GATA4: variants seen among roughly 807,000 people sequenced by gnomAD.
The protein encoded by GATA4 is transcription factor GATA-4.
Under a neutral mutation model 37.9 loss-of-function variants are expected in GATA4, and 7 were observed. That is an observed-to-expected ratio of 0.18 (90% CI 0.11 to 0.35). GATA4 has a LOEUF of 0.35. Ranked by LOEUF, GATA4 falls within the 10% of genes least tolerant of loss-of-function variation. The pLI is 1.00. For synonymous variants in GATA4, 372 were observed against 292.6 expected (o/e 1.27, Z -2.77); for missense variants, 647 against 653.0 (o/e 0.99, Z 0.10).
intron 1 of GATA4, among the ~76,000 whole-genome samples, chr8:11,687,499 G>T (rs1799175383): frequency 6.6e-6 from 1 of 152,160 alleles, no homozygotes; most frequent in Admixed American, 6.5e-5. Flanking sequence ...GTGAGTTGGG[G>T]GCAATGAATA....
intron 1 of GATA4, among the ~76,000 whole-genome samples, chr8:11,685,129 C>G (rs1485172833): frequency 2.0e-5 from 3 of 152,172 alleles, no homozygotes; most frequent in Non-Finnish European, 4.4e-5. Context: ...AACCTAAACT[C>G]TAAACAATAA....
chr8:11,703,890 A>AG (rs979832052), upstream of GATA4, among the ~76,000 whole-genome samples: 24 of 152,126 alleles, frequency 1.6e-4, no homozygotes, highest in East Asian at 2.9e-3. Flanking sequence ...GACCACAGGA[A>AG]GGGGGGGCGG....
At chr8:11,683,670 A>G (rs1799049101) in intron 1 of GATA4, among the ~76,000 whole-genome samples, 1 of 152,228 alleles carries the variant, frequency 6.6e-6, no homozygotes, top group African/African-American at 2.4e-5. Context: ...CTAAAGCCGG[A>G]GACTGGGGCG....
At chr8:11,726,332 C>T (rs10086064) in intron 2 of GATA4, among the ~76,000 whole-genome samples, 91,294 of 152,010 alleles carry the variant, frequency 0.6, 27,809 homozygotes, top group East Asian at 0.84. Context: ...GCCAGGGAGA[C>T]TGAGGTAGCA....
At chr8:11,744,490 T>C (rs1801933864) in intron 2 of GATA4, among the ~76,000 whole-genome samples, 1 of 152,198 alleles carries the variant, frequency 6.6e-6, no homozygotes. Context: ...GAATCACTCT[T>C]GCCCCCAGGG....
At chr8:11,719,339 A>G (rs898124607) in intron 2 of GATA4, among the ~76,000 whole-genome samples, 44 of 152,200 alleles carry the variant, frequency 2.9e-4, no homozygotes, top group African/African-American at 1.0e-3. Flanking sequence ...AACAACAAAT[A>G]AAACCTTTCC....
intron 2 of GATA4, among the ~76,000 whole-genome samples, chr8:11,715,528 C>G (rs1477306359): frequency 3.3e-5 from 5 of 151,996 alleles, no homozygotes; most frequent in Non-Finnish European, 7.4e-5. Flanking sequence ...GCGGGCGGAT[C>G]GTGAGATCAG....
chr8:11,722,885 TTAGCTTA>T (rs1585627472), intron 2 of GATA4, among the ~76,000 whole-genome samples: 2 of 152,356 alleles, frequency 1.3e-5, no homozygotes, highest in East Asian at 3.9e-4. Context: ...AAGCACATTT[TTAGCTTA>T]TTGAATATTT....
chr8:11,759,996 C>T lies in GATA4; in HGVS notation c.*1521C>T, dbSNP rs3203358. 1 of 152,560 alleles carries T rather than the reference C, an allele frequency of 6.6e-6. No individual in the cohort carries two copies. Among genetic ancestry groups the T allele is most frequent in the African/African-American group, 2.4e-5 (1 of 41,422 alleles). 9.5% of individuals were successfully genotyped at this position (152,560 alleles called of 1,614,324 possible). A position where few individuals can be genotyped will look rare whatever the true frequency, so the allele number is the denominator to read the frequency against. ...TTAACTAATAAATTTATCTGTATTC[C>T]TCTTTCCCTCGTCCCTTAGTGGTCT... is the stretch of plus-strand genomic sequence containing the variant. On this transcript the variant is annotated 3_prime_UTR_variant, in exon 7 of 7. Coordinates refer to ENST00000532059, the MANE Select transcript of GATA4 (RefSeq NM_001308093.3).
At position 11,680,490 on chromosome 8, in the gene GATA4, T is replaced by G. The variant is rs111609427; in HGVS notation, c.-274+3427T>G. The G allele has an allele frequency of 6.1e-3, 6,059 of 985,430 alleles. 245 individuals are homozygous for G. In the African/African-American group the frequency reaches 0.093, roughly 15 times the overall value. 61.0% of individuals were successfully genotyped at this position (985,430 alleles called of 1,614,324 possible). ...CCGGTTTGCTTTGGATGCATTTCGATCAATCTGGCGCCACATGGGCCAGGT... is the reference window on the plus strand; with the variant it reads ...CCGGTTTGCTTTGGATGCATTTCGAGCAATCTGGCGCCACATGGGCCAGGT... On this transcript the variant is annotated intron_variant, in intron 1 of 6. Coordinates refer to the GATA4 transcript ENST00000528712.
intron 2 of GATA4, among the ~76,000 whole-genome samples, chr8:11,727,427 G>C (rs971251344): frequency 6.6e-6 from 1 of 152,034 alleles, no homozygotes; most frequent in African/African-American, 2.4e-5. Context: ...TTTTTCATTT[G>C]TTTTCAGGGA....
intron 1 of GATA4, among the ~76,000 whole-genome samples, chr8:11,686,313 A>G (rs1799134305): frequency 6.6e-6 from 1 of 152,152 alleles, no homozygotes; most frequent in African/African-American, 2.4e-5. Flanking sequence ...TAATTAGCAA[A>G]TAAATAGCAA....
chr8:11,744,383 T>G (rs967061082), intron 2 of GATA4, among the ~76,000 whole-genome samples: 1 of 152,232 alleles, frequency 6.6e-6, no homozygotes, highest in Non-Finnish European at 1.5e-5. Context: ...CCTCCAAACG[T>G]GGGTGATGCC....
intron 5 of GATA4, among the ~76,000 whole-genome samples, chr8:11,755,577 T>C (rs1324723311): frequency 6.6e-6 from 1 of 152,236 alleles, no homozygotes; most frequent in Non-Finnish European, 1.5e-5. Flanking sequence ...ATAATTAACA[T>C]CATGCAGTGC....
In GATA4 at chr8:11,708,675, C is replaced by CGCCGCT. The variant is rs1462657175; in HGVS notation, c.369_374dup (p.Ala125_Ala126dup). 5 of 1,282,304 alleles carry CGCCGCT rather than the reference C, an allele frequency of 3.9e-6. No individual in the cohort carries two copies. In the African/African-American group the frequency reaches 6.2e-5, roughly 16 times the overall value. 79.4% of individuals were successfully genotyped at this position (1,282,304 alleles called of 1,614,324 possible). On this transcript the variant is annotated inframe_insertion, in exon 2 of 7. Transcript: ENST00000532059. This position sits in a 1 kb window ranked among gnomAD's most constrained non-coding sequence, Gnocchi z 6.7. The stretch of plus-strand genomic sequence containing the variant: ...CCACCGGGTCCCTGGCGGCCGCCGC[C>CGCCGCT]GCCGCTGCCGCGGCCCGGGAAGCTG...
chr8:11,680,547 C>G, intron 1 of GATA4: 1 of 985,438 alleles, frequency 1.0e-6, no homozygotes, highest in African/African-American at 1.7e-5. Context: ...CGACGTCCTT[C>G]GTGGTCGCAC....
upstream of GATA4, among the ~76,000 whole-genome samples, chr8:11,691,119 G>A (rs1008117267): frequency 2.0e-5 from 3 of 152,202 alleles, no homozygotes; most frequent in Admixed American, 2.0e-4. Context: ...CATACTTGGC[G>A]CTGTGCCTGG....
At chr8:11,746,495 A>G (rs752265603) in intron 2 of GATA4, among the ~76,000 whole-genome samples, 2 of 152,216 alleles carry the variant, frequency 1.3e-5, no homozygotes, top group Admixed American at 6.5e-5. Flanking sequence ...TCTTGGTTCA[A>G]TTTTGAGATG....
chr8:11,688,348 C>T (rs1221727898), upstream of GATA4, among the ~76,000 whole-genome samples: 1 of 152,126 alleles, frequency 6.6e-6, no homozygotes, highest in Non-Finnish European at 1.5e-5. Flanking sequence ...TATATTTGAC[C>T]TTCAGACATA....
Sources: allele counts gnomAD v4.1 joint callset (sites outside exome capture counted in the v4.1 genomes callset), GRCh38; gene constraint gnomAD v4.1.1; non-coding constraint Gnocchi (gnomAD v3.1); transcripts MANE v1.5; gene names NCBI Gene and HGNC (gene_info 2026-07-23, HGNC 2026-07-21).